Variants in MAF observed in about 807,000 individuals in gnomAD.
The protein encoded by MAF is transcription factor Maf.
In MAF, 10 loss-of-function variants were observed where a neutral mutation model predicts 22.0. That is an observed-to-expected ratio of 0.45 (90% CI 0.28 to 0.77). The LOEUF (loss-of-function observed/expected upper bound fraction) is 0.77. Among genes scored for constraint, MAF ranks in the 30% least tolerant of loss-of-function variants. The pLI is 0.12. For synonymous variants in MAF, 337 were observed against 255.8 expected (o/e 1.32, Z -3.03); for missense variants, 544 against 548.4 (o/e 0.99, Z 0.08).
chr16:79,536,310 C>A, the MAF span, among the ~76,000 whole-genome samples: 1 of 152,306 alleles, frequency 6.6e-6, no homozygotes, highest in East Asian at 1.9e-4. Flanking sequence ...TTGTGGGCTC[C>A]CCACCCATGG....
the MAF span, among the ~76,000 whole-genome samples, chr16:79,273,364 AT>A: frequency 2.2e-4 from 34 of 152,346 alleles, no homozygotes; most frequent in Non-Finnish European, 2.6e-4. Flanking sequence ...CATTGCTGCC[AT>A]GTGAACCTAT....
chr16:79,404,771 C>A, the MAF span, among the ~76,000 whole-genome samples: 1 of 152,122 alleles, frequency 6.6e-6, no homozygotes, highest in Non-Finnish European at 1.5e-5. Context: ...CTGACATAGG[C>A]GTGTAAACTC....
the MAF span, among the ~76,000 whole-genome samples, chr16:79,423,083 T>C: frequency 3.3e-5 from 5 of 152,112 alleles, no homozygotes; most frequent in Admixed American, 2.6e-4. Flanking sequence ...GATTCTAAGA[T>C]AGGGTTGCCA....
the MAF span, among the ~76,000 whole-genome samples, chr16:79,323,546 G>C: frequency 6.6e-6 from 1 of 152,156 alleles, no homozygotes; most frequent in African/African-American, 2.4e-5. Flanking sequence ...AAGATGAAAG[G>C]AGAGAGACAA....
the MAF span, among the ~76,000 whole-genome samples, chr16:79,231,763 C>T: frequency 7.0e-3 from 1,069 of 152,128 alleles, 11 homozygotes; most frequent in Non-Finnish European, 0.011. Flanking sequence ...CAGATGGTTT[C>T]GGGATGATTT....
At chr16:79,592,399 C>A (rs562241899), downstream of MAF, among the ~76,000 whole-genome samples, 9 of 152,286 alleles carry the variant, frequency 5.9e-5, no homozygotes, top group Admixed American at 3.9e-4. Context: ...CGGAGCAATG[C>A]CTGGAGAGAA....
chr16:79,305,330 G>C, the MAF span, among the ~76,000 whole-genome samples: 1 of 152,354 alleles, frequency 6.6e-6, no homozygotes, highest in East Asian at 1.9e-4. Flanking sequence ...CTGCACAGGG[G>C]CACCAGGACT....
the MAF span, among the ~76,000 whole-genome samples, chr16:79,541,953 G>T: frequency 6.6e-6 from 1 of 152,088 alleles, no homozygotes; most frequent in Non-Finnish European, 1.5e-5. Flanking sequence ...AACAAGCCCG[G>T]TTACTACTAG....
At chr16:79,447,381 C>A in the MAF span, among the ~76,000 whole-genome samples, 118 of 151,266 alleles carry the variant, frequency 7.8e-4, no homozygotes, top group Non-Finnish European at 1.1e-3. Flanking sequence ...CTCATTAAAG[C>A]AATGCACCTG....
chr16:79,255,230 G>T, the MAF span, among the ~76,000 whole-genome samples: 2 of 152,218 alleles, frequency 1.3e-5, no homozygotes, highest in Admixed American at 1.3e-4. Flanking sequence ...GTTAACTTCA[G>T]TCCAGGAATG....
At chr16:79,524,848 G>A in the MAF span, among the ~76,000 whole-genome samples, 1 of 152,178 alleles carries the variant, frequency 6.6e-6, no homozygotes, top group East Asian at 1.9e-4. Flanking sequence ...ATTCTGTGCT[G>A]TTCAACTGTG....
the MAF span, among the ~76,000 whole-genome samples, chr16:79,376,782 T>C: frequency 3.3e-5 from 5 of 152,356 alleles, no homozygotes; most frequent in African/African-American, 7.2e-5. Flanking sequence ...GTGTTTGTTT[T>C]TTGTCCTTGT....
At chr16:79,237,711 CTT>C in the MAF span, among the ~76,000 whole-genome samples, 1 of 152,278 alleles carries the variant, frequency 6.6e-6, no homozygotes, top group African/African-American at 2.4e-5. Context: ...CTGGATCACT[CTT>C]TGCTGTAGGC....
At chr16:79,207,840 T>G in the MAF span, among the ~76,000 whole-genome samples, 3 of 152,168 alleles carry the variant, frequency 2.0e-5, no homozygotes. Flanking sequence ...TACCCTTTCC[T>G]TTAAAGGAGT....
chr16:79,244,977 T>G, the MAF span, among the ~76,000 whole-genome samples: 1 of 152,078 alleles, frequency 6.6e-6, no homozygotes, highest in Admixed American at 6.6e-5. Context: ...AAGGTTTCCC[T>G]ATTTGATAAA....
At chr16:79,425,114 C>G in the MAF span, among the ~76,000 whole-genome samples, 2 of 151,928 alleles carry the variant, frequency 1.3e-5, no homozygotes, top group Non-Finnish European at 1.5e-5. Context: ...TACTTTTCAT[C>G]GTATTAATTA....
chr16:79,348,086 T>C, the MAF span, among the ~76,000 whole-genome samples: 2 of 152,236 alleles, frequency 1.3e-5, no homozygotes, highest in African/African-American at 2.4e-5. Flanking sequence ...TTCCTGCTAA[T>C]TGGAAAATCG....
In MAF at chr16:79,599,090, C is replaced by T. The variant is rs750705025; in HGVS notation, c.813G>A (p.Val271=). The change falls in exon 1 of 2, where the codon GTG becomes GTA. Residue 271 remains valine, a synonymous_variant. Transcript: ENST00000326043. ...FSDEQLVTMS[V]RELNRQLRGV... is the part of the protein sequence containing the mutation. Reference sequence around the variant, plus strand: ...CGCGCAGCTGCCGGTTCAGCTCGCGCACAGACATGGTCACCAGCTGCTCGT... The same window carrying T: ...CGCGCAGCTGCCGGTTCAGCTCGCGTACAGACATGGTCACCAGCTGCTCGT... 26 of 1,608,530 alleles carry T rather than the reference C, an allele frequency of 1.6e-5. No individual in the cohort carries two copies. The highest frequency in any genetic ancestry group is 2.0e-5 in the Non-Finnish European group (24 of 1,179,556).
chr16:79,392,197 C>G, the MAF span, among the ~76,000 whole-genome samples: 1 of 130,084 alleles, frequency 7.7e-6, no homozygotes, highest in African/African-American at 3.0e-5. Context: ...GAAGGAGAGA[C>G]AAGAAGAGAG....
Sources: allele counts gnomAD v4.1 joint callset (sites outside exome capture counted in the v4.1 genomes callset), GRCh38; gene constraint gnomAD v4.1.1; transcripts MANE v1.5; gene names NCBI Gene and HGNC (gene_info 2026-07-23, HGNC 2026-07-21).